The following CNTNAP5 variants were observed in gnomAD, a reference collection of about 807,000 sequenced individuals.
The protein encoded by CNTNAP5 is contactin associated protein family member 5.
Under a neutral mutation model 150.2 loss-of-function variants are expected in CNTNAP5, and 72 were observed. The observed-to-expected ratio is 0.48, with a 90% CI of 0.40 to 0.58. CNTNAP5 has a LOEUF of 0.58. Among genes scored for constraint, CNTNAP5 ranks in the 20% least tolerant of loss-of-function variants. The pLI, the probability that CNTNAP5 is intolerant of heterozygous loss-of-function variation, is 0.00. For missense variants in CNTNAP5, 1,636 were observed against 1,626.2 expected, an observed-to-expected ratio of 1.01 and a Z score of -0.10; for synonymous variants, 672 against 619.8, an observed-to-expected ratio of 1.08 and a Z score of -1.25.
chr2:124,873,449 G>GGA (rs1174922894), intron 21 of CNTNAP5, among the ~76,000 whole-genome samples: 3 of 152,032 alleles, frequency 2.0e-5, no homozygotes, highest in Non-Finnish European at 4.4e-5. Context: ...TCTAAGAATG[G>GGA]GAGACATCTG....
intron 1 of CNTNAP5, among the ~76,000 whole-genome samples, chr2:124,123,645 A>T (rs748275736): frequency 2.6e-5 from 4 of 152,110 alleles, no homozygotes; most frequent in East Asian, 3.9e-4. Flanking sequence ...TAACTGGGAG[A>T]CACCTCCCAG....
intron 1 of CNTNAP5, among the ~76,000 whole-genome samples, chr2:124,081,151 TGTTACTAGATGTACTG>T (rs1280492849): frequency 1.3e-5 from 2 of 152,306 alleles, no homozygotes; most frequent in South Asian, 4.1e-4. Flanking sequence ...AAAAATTTTG[TGTTACTAGATGTACTG>T]GTTTTTTTTT....
At chr2:124,730,341 G>A (rs1451934008) in intron 13 of CNTNAP5, among the ~76,000 whole-genome samples, 1 of 150,368 alleles carries the variant, frequency 6.7e-6, no homozygotes, top group Non-Finnish European at 1.5e-5. Flanking sequence ...GTGGACATGT[G>A]TACAGATATA....
chr2:124,889,948 G>A (rs975881222), intron 21 of CNTNAP5, among the ~76,000 whole-genome samples: 4 of 151,986 alleles, frequency 2.6e-5, no homozygotes, highest in Admixed American at 6.6e-5. Context: ...TAGTCAACTG[G>A]CATTTATTTC....
chr2:124,095,358 A>G (rs1682910284), intron 1 of CNTNAP5, among the ~76,000 whole-genome samples: 1 of 152,166 alleles, frequency 6.6e-6, no homozygotes, highest in Non-Finnish European at 1.5e-5. Context: ...GTGACGGGCT[A>G]GGGGAGGGAG....
At chr2:124,227,883 T>C (rs912808929) in intron 2 of CNTNAP5, among the ~76,000 whole-genome samples, 2 of 151,670 alleles carry the variant, frequency 1.3e-5, no homozygotes, top group African/African-American at 4.9e-5. Flanking sequence ...CAACGGGATA[T>C]ATATATACAC....
chr2:124,071,120 C>T (rs1682292890), intron 1 of CNTNAP5, among the ~76,000 whole-genome samples: 1 of 151,688 alleles, frequency 6.6e-6, no homozygotes. Flanking sequence ...AATAAGAAGG[C>T]AATTGAAAAT....
chr2:124,189,272 T>C (rs1386912016), intron 1 of CNTNAP5, among the ~76,000 whole-genome samples: 1 of 152,104 alleles, frequency 6.6e-6, no homozygotes, highest in Non-Finnish European at 1.5e-5. Context: ...ATCAGTAAAA[T>C]ATGTAATATT....
intron 19 of CNTNAP5, among the ~76,000 whole-genome samples, chr2:124,833,614 AAC>A (rs917145143): frequency 2.0e-5 from 3 of 152,168 alleles, no homozygotes; most frequent in Non-Finnish European, 4.4e-5. Context: ...ATGGCTCTGT[AAC>A]AGTGTTTCAA....
intron 1 of CNTNAP5, among the ~76,000 whole-genome samples, chr2:124,068,679 A>G (rs1350390077): frequency 6.6e-6 from 1 of 151,642 alleles, no homozygotes; most frequent in Admixed American, 6.6e-5. Flanking sequence ...AGCACAACTC[A>G]CGGCAGTGAA....
At chr2:124,071,244 T>TA (rs1396366020) in intron 1 of CNTNAP5, among the ~76,000 whole-genome samples, 3 of 150,878 alleles carry the variant, frequency 2.0e-5, no homozygotes, top group Admixed American at 6.6e-5. Context: ...AGTGCATAAA[T>TA]AAAAAAAATA....
intron 3 of CNTNAP5, among the ~76,000 whole-genome samples, chr2:124,281,333 A>G (rs1049625799): frequency 3.3e-5 from 5 of 152,192 alleles, no homozygotes; most frequent in Admixed American, 1.3e-4. Context: ...AACTTTAAGT[A>G]AATTAATTGA....
At chr2:124,029,818 C>T (rs999105396) in intron 1 of CNTNAP5, among the ~76,000 whole-genome samples, 3 of 152,010 alleles carry the variant, frequency 2.0e-5, no homozygotes, top group Non-Finnish European at 2.9e-5. Context: ...TCAGAGTCTT[C>T]GAGTTGATAA....
chr2:124,126,877 T>A (rs1683717465), intron 1 of CNTNAP5, among the ~76,000 whole-genome samples: 1 of 152,142 alleles, frequency 6.6e-6, no homozygotes, highest in South Asian at 2.1e-4. Context: ...TGCTAAAAAC[T>A]CTCAATAAAC....
chr2:124,883,448 T>TC (rs1678010564), intron 21 of CNTNAP5, among the ~76,000 whole-genome samples: 1 of 152,052 alleles, frequency 6.6e-6, no homozygotes, highest in Non-Finnish European at 1.5e-5. Context: ...GGGGCTTTGG[T>TC]CATGTGTGTG....
intron 1 of CNTNAP5, among the ~76,000 whole-genome samples, chr2:124,121,193 C>T (rs999632770): frequency 6.6e-6 from 1 of 151,974 alleles, no homozygotes; most frequent in Non-Finnish European, 1.5e-5. Context: ...CATACAGATG[C>T]ATACAATTTG....
chr2:124,813,398 T>TC (rs1414988515), intron 19 of CNTNAP5, among the ~76,000 whole-genome samples: 1 of 148,118 alleles, frequency 6.8e-6, no homozygotes, highest in Non-Finnish European at 1.5e-5. Context: ...TCTTTTTTTT[T>TC]CTTTTTTTGA....
At chr2:124,373,874 T>C (rs1690586768) in intron 3 of CNTNAP5, among the ~76,000 whole-genome samples, 1 of 152,086 alleles carries the variant, frequency 6.6e-6, no homozygotes, top group South Asian at 2.1e-4. Context: ...TAGAATGATG[T>C]ACTAAGCTAT....
At chr2:124,246,829 C>T (rs1003183355) in intron 3 of CNTNAP5, among the ~76,000 whole-genome samples, 2 of 152,076 alleles carry the variant, frequency 1.3e-5, no homozygotes, top group Non-Finnish European at 2.9e-5. Context: ...CCTATCATCT[C>T]CTGTGAATAT....
Sources: gnomAD v4.1 joint callset for allele counts (sites outside exome capture counted in the v4.1 genomes callset) on GRCh38, gnomAD v4.1.1 for gene constraint, MANE v1.5 for transcripts, NCBI Gene and HGNC (gene_info 2026-07-23, HGNC 2026-07-21) for gene names.